FAM181A: variants seen among roughly 807,000 people sequenced by gnomAD.
FAM181A encodes protein FAM181A.
Under a neutral mutation model 16.3 loss-of-function variants are expected in FAM181A, and 7 were observed. That is an observed-to-expected ratio of 0.43 (90% CI 0.24 to 0.81). The LOEUF (loss-of-function observed/expected upper bound fraction) is 0.81. FAM181A is among the 30% of genes least tolerant of loss of function. The pLI is 0.24. For synonymous variants in FAM181A, 183 were observed against 164.9 expected, an observed-to-expected ratio of 1.11 and a Z score of -0.84; for missense variants, 349 against 377.5, an observed-to-expected ratio of 0.92 and a Z score of 0.63.
rs573354110 is a variant in FAM181A, at chr14:93,927,613, G to T, written c.-88+159G>T. 1.1e-4 allele frequency: 139 copies of T among 1,286,824 alleles called. No individual in the cohort carries two copies. In the African/African-American group the frequency reaches 2.1e-3, roughly 19 times the overall value. The allele number at this position is 1,286,824 out of a possible 1,614,324, so 79.7% of individuals were successfully genotyped here. A position where few individuals can be genotyped will look rare whatever the true frequency, so the allele number is the denominator to read the frequency against. On this transcript the variant is annotated intron_variant, in intron 1 of 1. Transcript: ENST00000556222. ...GGAATCCCTGCTGCCCGCAGCCTGA[G>T]ATCAGCCCGCAAGGCAGGTCTCGAT...
chr14:93,923,730 G>C (rs1170483094), upstream of FAM181A: 1 of 152,306 alleles, frequency 6.6e-6, no homozygotes. Context: ...GCTTATCCAA[G>C]TTCAGGGCAG....
intron 1 of FAM181A, among the ~76,000 whole-genome samples, chr14:93,920,744 C>A (rs937893476): frequency 6.6e-6 from 1 of 152,170 alleles, no homozygotes; most frequent in Non-Finnish European, 1.5e-5. Flanking sequence ...TGGTGAAAGA[C>A]CAAAAGCTTT....
rs373484669 is a variant in FAM181A at position 93,928,944 on chromosome 14, G to A, written c.659G>A (p.Gly220Glu). The A allele has an allele frequency of 1.2e-6, 2 of 1,614,104 alleles. No homozygotes were observed. The highest frequency in any genetic ancestry group is 1.7e-6 in the Non-Finnish European group (2 of 1,180,000). ...AGTTGCTGCCCCTTCCAGTACCATG[G>A]ACAGCCCATCTATCCGGGCCCCCTG... ...AWSCCPFQYHGQPIYPGPLGA... is the reference protein window; with the variant it reads ...AWSCCPFQYHEQPIYPGPLGA... Residue 220 changes from glycine (G) to glutamate (E), a missense_variant, in exon 2 of 2, where the codon GGA becomes GAA. By Grantham distance (98) the Gly-to-Glu change is moderately conservative (BLOSUM62 -2). Transcript: ENST00000556222.
At chr14:93,925,156 T>C (rs938397879), upstream of FAM181A, 3 of 937,288 alleles carry the variant, frequency 3.2e-6, no homozygotes, top group African/African-American at 5.0e-5. Flanking sequence ...TACTACTGGC[T>C]AAGAAAGGAG....
At chr14:93,924,597 C>G (rs1887835030), upstream of FAM181A, among the ~76,000 whole-genome samples, 1 of 152,228 alleles carries the variant, frequency 6.6e-6, no homozygotes, top group Admixed American at 6.5e-5. Context: ...CTGCTCCTGA[C>G]TTCCCAAAGC....
At chr14:93,919,785 G>T (rs1887656365) in intron 1 of FAM181A, among the ~76,000 whole-genome samples, 1 of 152,134 alleles carries the variant, frequency 6.6e-6, no homozygotes, top group African/African-American at 2.4e-5. Flanking sequence ...AAAGAAAAAT[G>T]CAAACACAAC....
upstream of FAM181A, among the ~76,000 whole-genome samples, chr14:93,922,968 T>C (rs1887780890): frequency 6.6e-6 from 1 of 151,900 alleles, no homozygotes; most frequent in Non-Finnish European, 1.5e-5. Context: ...TTTTACATGT[T>C]GAATCTCCAC....
At chr14:93,920,538 T>C (rs903328099) in intron 1 of FAM181A, among the ~76,000 whole-genome samples, 3 of 152,168 alleles carry the variant, frequency 2.0e-5, no homozygotes, top group African/African-American at 7.2e-5. Flanking sequence ...GTTATGATGT[T>C]ATATCTTAGC....
chr14:93,928,031 G>A (rs913831117), intron 1 of FAM181A, among the ~76,000 whole-genome samples, 168 bp from the exon 2 acceptor site: 3 of 152,194 alleles, frequency 2.0e-5, no homozygotes, highest in African/African-American at 7.2e-5. Context: ...CATCCCAGGT[G>A]TGCAGGAAGT....
chr14:93,928,145 G>A, intron 1 of FAM181A, 54 bp from the exon 2 acceptor site: 1 of 1,581,322 alleles, frequency 6.3e-7, no homozygotes, highest in Non-Finnish European at 8.6e-7. Context: ...GGTCTTTTGG[G>A]AGGGCTGGGT....
In FAM181A at chr14:93,927,575, A is replaced by T. The variant is rs555059544; in HGVS notation, c.-88+121A>T. On this transcript the variant is annotated intron_variant, in intron 1 of 1. Transcript: ENST00000556222. ...CCGAGGAGGCATGAAATTGCTGCAG[A>T]TGCTTCTTCGGGGGAATCCCTGCTG... 968 of 1,286,648 alleles carry T rather than the reference A, an allele frequency of 7.5e-4. 11 individuals are homozygous for T. Among genetic ancestry groups the T allele is most frequent in the South Asian group, 4.0e-3 (327 of 80,856 alleles). The allele number at this position is 1,286,648 out of a possible 1,614,324, so 79.7% of individuals were successfully genotyped here.
Position 93,928,750 on chromosome 14 carries a change from G to T in FAM181A, c.465G>T (p.Gly155=). The T allele has an allele frequency of 1.3e-5, 21 of 1,613,996 alleles. No individual in the cohort carries two copies. The highest frequency in any genetic ancestry group is 1.8e-5 in the Non-Finnish European group (21 of 1,179,956). The change falls in exon 2 of 2, where the codon GGG becomes GGT. Residue 155 remains glycine, a synonymous_variant. Transcript: ENST00000556222. ...ACAGCTACCATGTGGGGCTGGAGGG[G>T]GGACTGGGCCCCAGGGAGGGACCTC... ...PTHSYHVGLE[G]GLGPREGPPY...
At chr14:93,925,532 T>C (rs1239941127), upstream of FAM181A, among the ~76,000 whole-genome samples, 1 of 152,184 alleles carries the variant, frequency 6.6e-6, no homozygotes, top group Non-Finnish European at 1.5e-5. Context: ...AGAAAGGATG[T>C]TTCCTGCTTG....
chr14:93,925,176 C>T (rs1887854895), upstream of FAM181A: 1 of 1,115,598 alleles, frequency 9.0e-7, no homozygotes, highest in East Asian at 2.4e-5. Flanking sequence ...GAGACAGCTT[C>T]ATGAGCGGGC....
chr14:93,925,373 G>A (rs1887864515), upstream of FAM181A: 5 of 1,611,570 alleles, frequency 3.1e-6, no homozygotes, highest in Non-Finnish European at 4.2e-6. Flanking sequence ...CAAAGCAGGT[G>A]GTTACGTAGT....
chr14:93,927,440 T>C lies in FAM181A; in HGVS notation c.-102T>C. The C allele has an allele frequency of 2.5e-6, 3 of 1,214,974 alleles. No individual in the cohort carries two copies. Among genetic ancestry groups the C allele is most frequent in the Non-Finnish European group, 3.2e-6 (3 of 947,616 alleles). 75.3% of individuals were successfully genotyped at this position (1,214,974 alleles called of 1,614,324 possible). On this transcript the variant is annotated 5_prime_UTR_variant, in exon 1 of 2. Transcript: ENST00000556222. ...CCTGCCGGGCCACGTTGGTGGGGCC[T>C]GGGCCGCACCTTCGGTCAGTGTGGA...
intron 1 of FAM181A, among the ~76,000 whole-genome samples, chr14:93,919,468 C>T (rs1271395129): frequency 2.0e-5 from 3 of 152,194 alleles, no homozygotes; most frequent in African/African-American, 7.2e-5. Context: ...TAGCAATATC[C>T]ACCTCATTAT....
intron 1 of FAM181A, chr14:93,927,699 C>A: frequency 9.6e-7 from 1 of 1,037,138 alleles, no homozygotes; most frequent in Non-Finnish European, 1.2e-6. Context: ...AGCGTGGGGA[C>A]TGAGGAGGGG....
In FAM181A at chr14:93,928,987, T is replaced by C. The variant is rs1446697235; in HGVS notation, c.702T>C (p.Ser234=). The stretch of plus-strand genomic sequence containing the variant: ...GCCCCCTGGGGGCACTGCCTCAGAG[T>C]CCTGTCCCCAGCCTGGGCCTTTGGA... The part of the protein sequence containing the change: ...YPGPLGALPQ[S]PVPSLGLWRK... The change falls in exon 2 of 2, where the codon AGT becomes AGC. Residue 234 remains serine, a synonymous_variant. Transcript: ENST00000556222. 1.2e-6 allele frequency: 2 copies of C among 1,612,586 alleles called. No homozygotes were observed. The highest frequency in any genetic ancestry group is 1.3e-5 in the African/African-American group (1 of 74,974).
Sources: allele counts gnomAD v4.1 joint callset (sites outside exome capture counted in the v4.1 genomes callset), GRCh38; gene constraint gnomAD v4.1.1; transcripts MANE v1.5; gene names NCBI Gene and HGNC (gene_info 2026-07-23, HGNC 2026-07-21).